Variants in COL10A1 observed in about 807,000 individuals in gnomAD.
COL10A1 encodes the protein collagen alpha-1(X) chain.
A neutral mutation model predicts 18.2 loss-of-function variants in COL10A1; 10 were observed. The observed-to-expected ratio is 0.55, with a 90% CI of 0.34 to 0.93. The LOEUF (loss-of-function observed/expected upper bound fraction) is 0.93, where lower values mean the gene tolerates loss of function less well. Among genes scored for constraint, COL10A1 ranks in the 40% least tolerant of loss-of-function variants. COL10A1 has a pLI of 0.02. For synonymous variants in COL10A1, 330 were observed against 316.6 expected (o/e 1.04, Z -0.45); for missense variants, 897 against 853.5 (o/e 1.05, Z -0.64).
At chr6:116,193,463 T>C in the COL10A1 span, among the ~76,000 whole-genome samples, 8 of 152,086 alleles carry the variant, frequency 5.3e-5, no homozygotes, top group African/African-American at 1.9e-4. Flanking sequence ...TGCTGTGTGA[T>C]CTTGGCTAAA....
chr6:116,134,857 TATAG>T (rs1486237279), intron 1 of COL10A1, among the ~76,000 whole-genome samples: 2 of 152,100 alleles, frequency 1.3e-5, no homozygotes, highest in Non-Finnish European at 2.9e-5. Context: ...GGTAGGAGGA[TATAG>T]ATGTAAGAGG....
In COL10A1 at chr6:116,120,649, G is replaced by A. The variant is rs538507496; in HGVS notation, c.1467C>T (p.Thr489=). The change falls in exon 3 of 3, where the codon ACC becomes ACT. Residue 489 remains threonine (T), a synonymous_variant. Coordinates refer to ENST00000651968, the MANE Select transcript of COL10A1 (RefSeq NM_000493.4). ...TTGGACCTGGAGGCCCTGGTGGCCC[G>A]GTGGGTCCATTGAGGCCCTTAGTTG... ...GIATKGLNGP[T]GPPGPPGPRG... The A allele has an allele frequency of 8.3e-5, 128 of 1,547,494 alleles. No individual in the cohort carries two copies. Among genetic ancestry groups the A allele is most frequent in the East Asian group, 7.9e-4 (35 of 44,478 alleles).
chr6:116,178,106 C>CGTGT, the COL10A1 span, among the ~76,000 whole-genome samples: 150 of 130,826 alleles, frequency 1.1e-3, 3 homozygotes, highest in African/African-American at 4.4e-3. Flanking sequence ...CGCGCGCGTG[C>CGTGT]GTGCGTGTGT....
At chr6:116,202,107 A>G in the COL10A1 span, among the ~76,000 whole-genome samples, 1 of 151,894 alleles carries the variant, frequency 6.6e-6, no homozygotes, top group Non-Finnish European at 1.5e-5. Flanking sequence ...ACTGACTTAA[A>G]TTTTACTTAA....
At chr6:116,145,413 T>G (rs1398542695) in intron 1 of COL10A1, 1 of 346,644 alleles carries the variant, frequency 2.9e-6, no homozygotes, top group African/African-American at 2.1e-5. Flanking sequence ...ATGCAAAACT[T>G]TTTCTGTTCT....
chr6:116,209,191 A>G, the COL10A1 span, among the ~76,000 whole-genome samples: 3 of 151,986 alleles, frequency 2.0e-5, no homozygotes, highest in Admixed American at 6.6e-5. Context: ...CTTTTCTTAA[A>G]GGGCCAGATA....
the COL10A1 span, among the ~76,000 whole-genome samples, chr6:116,210,834 T>C: frequency 5.5e-4 from 84 of 152,156 alleles, no homozygotes; most frequent in African/African-American, 1.6e-3. Flanking sequence ...ATGCTTAAAA[T>C]TCCCACAGAG....
chr6:116,207,694 CCTG>C, the COL10A1 span, among the ~76,000 whole-genome samples: 1 of 151,614 alleles, frequency 6.6e-6, no homozygotes. Context: ...GGTTAAAAGC[CCTG>C]CTTAGAGTAG....
At chr6:116,204,838 G>A in the COL10A1 span, among the ~76,000 whole-genome samples, 1 of 151,968 alleles carries the variant, frequency 6.6e-6, no homozygotes, top group Non-Finnish European at 1.5e-5. Context: ...TGTGTAGTAG[G>A]TGCTCAGTAA....
chr6:116,144,802 A>T (rs1582832343), intron 1 of COL10A1, among the ~76,000 whole-genome samples: 2 of 152,114 alleles, frequency 1.3e-5, no homozygotes, highest in Non-Finnish European at 2.9e-5. Context: ...GACAACTGTG[A>T]GTTAGTTCAC....
In COL10A1 at chr6:116,120,833, CCTG is replaced by C; in HGVS notation, c.1280_1282del (p.Ala427del). 6.2e-7 allele frequency: 1 copy of C among 1,613,988 alleles called. No individual in the cohort carries two copies. Among genetic ancestry groups the C allele is most frequent in the Non-Finnish European group, 8.5e-7 (1 of 1,179,972 alleles). Reference sequence around the variant, plus strand: ...ATTGTGTCCGGGCATTCCCTTTGCTCCTGCTGGGCCCACAGGGCCTGGGAGACC... The same window carrying C: ...ATTGTGTCCGGGCATTCCCTTTGCTCCTGGGCCCACAGGGCCTGGGAGACC... On this transcript the variant is annotated inframe_deletion, in exon 3 of 3. Coordinates refer to ENST00000651968, the MANE Select transcript of COL10A1 (RefSeq NM_000493.4).
chr6:116,135,399 G>A (rs577671239), intron 1 of COL10A1, among the ~76,000 whole-genome samples: 27 of 151,696 alleles, frequency 1.8e-4, no homozygotes, highest in African/African-American at 6.3e-4. Context: ...TTTTTCTGTA[G>A]CATCCATAAC....
the COL10A1 span, among the ~76,000 whole-genome samples, chr6:116,189,335 C>T: frequency 6.6e-6 from 1 of 151,682 alleles, no homozygotes; most frequent in Non-Finnish European, 1.5e-5. Flanking sequence ...GCTCACAACC[C>T]GATTTGAGAC....
chr6:116,120,868 TCCTCCAA>T lies in COL10A1; in HGVS notation c.1241_1247del (p.Val414AspfsTer65). On this transcript the variant is annotated frameshift_variant, in exon 3 of 3. Coordinates refer to ENST00000651968, the MANE Select transcript of COL10A1 (RefSeq NM_000493.4). LOFTEE classifies it low-confidence loss of function (END_TRUNC). Reference sequence around the variant, plus strand: ...CCACAGGGCCTGGGAGACCAGGAGGTCCTCCAACTCCAGGATCACCTTTTGGACCTGG... The same window carrying T: ...CCACAGGGCCTGGGAGACCAGGAGGTCTCCAGGATCACCTTTTGGACCTGG... 6.2e-7 allele frequency: 1 copy of T among 1,613,380 alleles called. No individual in the cohort carries two copies. The highest frequency in any genetic ancestry group is 8.5e-7 in the Non-Finnish European group (1 of 1,179,734).
the COL10A1 span, among the ~76,000 whole-genome samples, chr6:116,186,624 T>G: frequency 6.6e-6 from 1 of 152,082 alleles, no homozygotes; most frequent in African/African-American, 2.4e-5. Flanking sequence ...TTTGAAAGCC[T>G]TGTCTTCGAG....
chr6:116,157,421 A>G (rs1280727051), intron 1 of COL10A1, among the ~76,000 whole-genome samples: 1 of 152,238 alleles, frequency 6.6e-6, no homozygotes, highest in Non-Finnish European at 1.5e-5. Flanking sequence ...GAAAAGAGCT[A>G]TGGGGACAGG....
upstream of COL10A1, among the ~76,000 whole-genome samples, chr6:116,160,386 A>G (rs1037608021): frequency 1.3e-5 from 2 of 151,978 alleles, no homozygotes; most frequent in African/African-American, 4.8e-5. Flanking sequence ...AGCATTTTCC[A>G]TATGTTTGTT....
the COL10A1 span, among the ~76,000 whole-genome samples, chr6:116,196,360 C>T: frequency 6.6e-6 from 1 of 151,990 alleles, no homozygotes; most frequent in African/African-American, 2.4e-5. Context: ...ACAAAATATA[C>T]ACAATGGGAA....
chr6:116,197,750 G>C, the COL10A1 span, among the ~76,000 whole-genome samples: 1 of 152,088 alleles, frequency 6.6e-6, no homozygotes, highest in South Asian at 2.1e-4. Context: ...TGCAGATTCA[G>C]TGAGATAATG....
Sources: gnomAD v4.1 joint callset for allele counts (sites outside exome capture counted in the v4.1 genomes callset) on GRCh38, gnomAD v4.1.1 for gene constraint, MANE v1.5 for transcripts, NCBI Gene and HGNC (gene_info 2026-07-23, HGNC 2026-07-21) for gene names.